Variants in GABRA3 observed in about 807,000 individuals in gnomAD.
GABRA3 encodes the protein gamma-aminobutyric acid type A receptor subunit alpha3.
A neutral mutation model predicts 30.1 loss-of-function variants in GABRA3; 10 were observed. The observed-to-expected ratio is 0.33, with a 90% CI of 0.20 to 0.56. The LOEUF (loss-of-function observed/expected upper bound fraction) is 0.56. Ranked by LOEUF, GABRA3 falls within the 20% of genes least tolerant of loss-of-function variation. The probability of loss-of-function intolerance (pLI) is 0.89; values close to 1 mark genes in which losing one functional copy is unlikely to be tolerated. For missense variants in GABRA3, 233 were observed against 392.0 expected (o/e 0.59, Z 3.42); for synonymous variants, 151 against 146.8 (o/e 1.03, Z -0.21).
intron 1 of GABRA3, among the ~76,000 whole-genome samples, chrX:152,406,360 G>A (rs1053090897): frequency 5.5e-5 from 6 of 108,318 alleles, no homozygotes; most frequent in Non-Finnish European, 1.1e-4. Context: ...AGAGACACAC[G>A]TAGAATGAAA....
At chrX:152,301,952 G>A (rs138260993) in intron 3 of GABRA3, among the ~76,000 whole-genome samples, 4,117 of 111,595 alleles carry the variant, frequency 0.037, 162 homozygotes, top group African/African-American at 0.13. Context: ...GTGGAATGAT[G>A]TAAACTTTAG....
intron 5 of GABRA3, among the ~76,000 whole-genome samples, chrX:152,245,172 A>T (rs1938443657): frequency 9.1e-6 from 1 of 110,449 alleles, no homozygotes; most frequent in African/African-American, 3.3e-5. Context: ...TACCGAAAGC[A>T]ATCTGTCAAT....
intron 4 of GABRA3, among the ~76,000 whole-genome samples, chrX:152,275,885 A>T (rs1939075602): frequency 9.1e-6 from 1 of 110,240 alleles, no homozygotes; most frequent in African/African-American, 3.3e-5. Context: ...TTATGAACAC[A>T]CATACAAATA....
intron 1 of GABRA3, among the ~76,000 whole-genome samples, chrX:152,426,473 T>A: frequency 8.9e-6 from 1 of 111,893 alleles, no homozygotes; most frequent in Admixed American, 9.5e-5. Flanking sequence ...TTGATTAACT[T>A]GCAAGAGTTA....
intron 4 of GABRA3, among the ~76,000 whole-genome samples, chrX:152,283,447 A>G (rs980942890): frequency 3.6e-5 from 4 of 111,605 alleles, no homozygotes; most frequent in Non-Finnish European, 7.5e-5. Flanking sequence ...AAACATTCAC[A>G]TACTGATGAT....
At chrX:152,405,406 C>T (rs763785476) in intron 1 of GABRA3, among the ~76,000 whole-genome samples, 45 of 109,418 alleles carry the variant, frequency 4.1e-4, no homozygotes, top group South Asian at 1.2e-3. Context: ...ACTGTCAGGG[C>T]ACAAAGACTG....
chrX:152,368,492 C>T (rs1263256912), intron 1 of GABRA3, among the ~76,000 whole-genome samples: 1 of 110,850 alleles, frequency 9.0e-6, no homozygotes, highest in Admixed American at 9.6e-5. Context: ...AAGGCTGAAT[C>T]ATATTCCATT....
chrX:152,399,659 T>C (rs1461076632), intron 1 of GABRA3, among the ~76,000 whole-genome samples: 1 of 112,052 alleles, frequency 8.9e-6, no homozygotes, highest in Non-Finnish European at 1.9e-5. Context: ...CACTGAAGAA[T>C]GCTGTCACAC....
chrX:152,271,757 C>A (rs1938942985), intron 4 of GABRA3, among the ~76,000 whole-genome samples: 1 of 111,670 alleles, frequency 9.0e-6, no homozygotes, highest in African/African-American at 3.3e-5. Flanking sequence ...GGACCAGGTC[C>A]AGGGCCCCTC....
At chrX:152,323,398 A>G (rs1940001971) in intron 3 of GABRA3, among the ~76,000 whole-genome samples, 1 of 111,604 alleles carries the variant, frequency 9.0e-6, no homozygotes, top group African/African-American at 3.3e-5. Flanking sequence ...TATTCCTTGA[A>G]CGGGAAAGTT....
At chrX:152,186,558 T>C (rs1315011269) in intron 9 of GABRA3, among the ~76,000 whole-genome samples, 1 of 110,223 alleles carries the variant, frequency 9.1e-6, no homozygotes. Context: ...AGCCTAATTG[T>C]ACTATTTTTT....
chrX:152,426,166 G>A (rs1930510216), intron 1 of GABRA3, among the ~76,000 whole-genome samples: 1 of 111,414 alleles, frequency 9.0e-6, no homozygotes, highest in Admixed American at 9.6e-5. Context: ...ACAGCTAAGA[G>A]TAAAGGAAAC....
intron 2 of GABRA3, among the ~76,000 whole-genome samples, chrX:152,357,440 T>C (rs182142954): frequency 1.7e-4 from 19 of 112,030 alleles, no homozygotes; most frequent in African/African-American, 5.5e-4. Flanking sequence ...TTGAGGAGTG[T>C]CTGTTCATGT....
At chrX:152,265,085 T>C (rs1248888363) in intron 4 of GABRA3, among the ~76,000 whole-genome samples, 2 of 111,505 alleles carry the variant, frequency 1.8e-5, no homozygotes, top group East Asian at 5.6e-4. Flanking sequence ...ATTGGACAGA[T>C]AGTCCAGACA....
chrX:152,353,154 C>T (rs1603246710), intron 2 of GABRA3, among the ~76,000 whole-genome samples: 1 of 111,097 alleles, frequency 9.0e-6, no homozygotes, highest in East Asian at 2.8e-4. Context: ...TCTGAAATAG[C>T]TTATATGGAC....
intron 3 of GABRA3, among the ~76,000 whole-genome samples, chrX:152,324,639 G>A (rs1940023572): frequency 8.9e-6 from 1 of 111,738 alleles, no homozygotes; most frequent in Admixed American, 9.6e-5. Context: ...ATCAGGCTTT[G>A]TCCTTAAATA....
At chrX:152,244,266 T>C (rs1382765719) in intron 5 of GABRA3, among the ~76,000 whole-genome samples, 1 of 112,173 alleles carries the variant, frequency 8.9e-6, no homozygotes, top group Non-Finnish European at 1.9e-5. Flanking sequence ...CATCCATGTC[T>C]TCAGTGCCTG....
intron 1 of GABRA3, among the ~76,000 whole-genome samples, chrX:152,432,586 G>C (rs1434170057): frequency 9.0e-6 from 1 of 110,961 alleles, no homozygotes; most frequent in Non-Finnish European, 1.9e-5. Flanking sequence ...GATTAGAACA[G>C]AAATTGAACC....
At chrX:152,370,518 T>G (rs760982028) in intron 1 of GABRA3, among the ~76,000 whole-genome samples, 1 of 112,342 alleles carries the variant, frequency 8.9e-6, no homozygotes. Context: ...ACATAGAAAT[T>G]TGAAATTGGG....
Sources: gnomAD v4.1 joint callset for allele counts (sites outside exome capture counted in the v4.1 genomes callset) on GRCh38, gnomAD v4.1.1 for gene constraint, MANE v1.5 for transcripts, NCBI Gene and HGNC (gene_info 2026-07-23, HGNC 2026-07-21) for gene names.